Variants in CHD3 observed in about 807,000 individuals in gnomAD.
CHD3 encodes chromodomain helicase DNA binding protein 3.
In CHD3, 52 loss-of-function variants were observed where a neutral mutation model predicts 248.9. The observed-to-expected ratio is 0.21, with a 90% CI of 0.17 to 0.26. CHD3 has a LOEUF of 0.26. CHD3 is among the 10% of genes least tolerant of loss of function. The pLI, the probability that CHD3 is intolerant of heterozygous loss-of-function variation, is 1.00. For missense variants in CHD3, 1,482 were observed against 2,605.8 expected (o/e 0.57, Z 9.39); for synonymous variants, 985 against 985.2 (o/e 1.00, Z 0.00).
chr17:7,889,812 T>C lies in CHD3; in HGVS notation c.213+36T>C. 6.4e-7 allele frequency: 1 copy of C among 1,554,704 alleles called. No homozygotes were observed. Among genetic ancestry groups the C allele is most frequent in the Non-Finnish European group, 8.8e-7 (1 of 1,136,774 alleles). On this transcript the variant is annotated intron_variant, in intron 2 of 39. Transcript: ENST00000330494. This position sits in a 1 kb window ranked among gnomAD's most constrained non-coding sequence, Gnocchi z 4.5. ...AGAATTCCTAACTCTGTGGCAAGGC[T>C]CAAGAGACCCATTCTCAGAGACCTA...
intron 2 of CHD3, 104 bp from the exon 3 acceptor site, chr17:7,890,467 A>T: frequency 1.3e-6 from 1 of 798,950 alleles, no homozygotes; most frequent in Non-Finnish European, 1.9e-6. Context: ...TTACTATCAC[A>T]GGATTGTTGT....
rs113422745 is a variant in CHD3, at chr17:7,891,186, C to T, written c.509+122C>T. 2,009 of 1,136,258 alleles carry T rather than the reference C, an allele frequency of 1.8e-3. 28 individuals are homozygous for T. The African/African-American group carries it at 0.024, about 14-fold the overall frequency. 70.4% of individuals were successfully genotyped at this position (1,136,258 alleles called of 1,614,324 possible). On this transcript the variant is annotated intron_variant, in intron 4 of 39. Transcript: ENST00000330494. ...CCAGAGAATTCACGGTGTATACACA[C>T]CAAATTCTACACGTCATTTCAGGGA...
chr17:7,895,698 G>A lies in CHD3; in HGVS notation c.1707+156G>A, dbSNP rs764213049. 4.2e-5 allele frequency: 27 copies of A among 647,396 alleles called. No homozygotes were observed. Among genetic ancestry groups the A allele is most frequent in the Non-Finnish European group, 6.2e-5 (23 of 373,604 alleles). The allele number at this position is 647,396 out of a possible 1,614,324, so 40.1% of individuals were successfully genotyped here. On this transcript the variant is annotated intron_variant, in intron 10 of 39. Coordinates refer to ENST00000330494, the MANE Select transcript of CHD3 (RefSeq NM_001005273.3). The surrounding 1 kb of genome is among the most constrained non-coding windows in gnomAD (Gnocchi z 4.9). ...CCTACTTGCTTAGTTTCCATATGTG[G>A]TTCTTTTGGTCTACAGTCCTCTTTC...
chr17:7,894,789 C>T, intron 8 of CHD3, 128 bp from the exon 9 acceptor site: 2 of 1,447,272 alleles, frequency 1.4e-6, no homozygotes, highest in Non-Finnish European at 9.4e-7. Context: ...ACTGGAGTGT[C>T]CTTTTCCTTA....
In CHD3 at chr17:7,899,870, T is replaced by C; in HGVS notation, c.2545-26T>C. ...AGGTGCATGGTTGTCAGGTGGCAGC[T>C]GAATGGGCAATAATTATGTTGGCAG... On this transcript the variant is annotated intron_variant, in intron 15 of 39. Coordinates refer to ENST00000330494, the MANE Select transcript of CHD3 (RefSeq NM_001005273.3). The surrounding 1 kb of genome is among the most constrained non-coding windows in gnomAD (Gnocchi z 6.8). The C allele has an allele frequency of 6.2e-7, 1 of 1,606,626 alleles. No homozygotes were observed. Among genetic ancestry groups the C allele is most frequent in the Non-Finnish European group, 8.5e-7 (1 of 1,175,170 alleles).
rs1353377129 is a variant in CHD3, at chr17:7,897,907, C to CT, written c.1920-61dup. 5.2e-6 allele frequency: 8 copies of CT among 1,532,342 alleles called. No individual in the cohort carries two copies. The East Asian group carries it at 1.8e-4, about 35-fold the overall frequency. 94.9% of individuals were successfully genotyped at this position (1,532,342 alleles called of 1,614,324 possible). ...CTGATAATTGCGTTTCTCAGGCCTT[C>CT]TTTCTGTTTGTGATCTGTGCAATAT... On this transcript the variant is annotated intron_variant, in intron 11 of 39. Coordinates refer to ENST00000330494, the MANE Select transcript of CHD3 (RefSeq NM_001005273.3). The surrounding 1 kb of genome is among the most constrained non-coding windows in gnomAD (Gnocchi z 4.8).
In CHD3 at chr17:7,911,335, C is replaced by T. The variant is rs1438169388; in HGVS notation, c.5882-129C>T. The stretch of plus-strand genomic sequence containing the variant: ...CTCAGGGAAAGGGGTTTGCCCGGGT[C>T]TTCCCTCCCTCACGTGGGACAACGG... On this transcript the variant is annotated intron_variant, in intron 39 of 39. Coordinates refer to ENST00000330494, the MANE Select transcript of CHD3 (RefSeq NM_001005273.3). The surrounding 1 kb of genome is among the most constrained non-coding windows in gnomAD (Gnocchi z 5.4). The T allele has an allele frequency of 1.4e-6, 2 of 1,430,354 alleles. No individual in the cohort carries two copies. 88.6% of individuals were successfully genotyped at this position (1,430,354 alleles called of 1,614,324 possible).
chr17:7,911,716 C>G lies in CHD3; in HGVS notation c.*131C>G, dbSNP rs1257654077. ...CATCACTGGGCTAGGAACCCCTTTG[C>G]CCCTCTCTGCAGCTCCTCTCTTCAA... On this transcript the variant is annotated 3_prime_UTR_variant, in exon 40 of 40. Transcript: ENST00000330494. This position sits in a 1 kb window ranked among gnomAD's most constrained non-coding sequence, Gnocchi z 5.4. 6.4e-7 allele frequency: 1 copy of G among 1,554,160 alleles called. No homozygotes were observed. Among genetic ancestry groups the G allele is most frequent in the Non-Finnish European group, 8.7e-7 (1 of 1,148,174 alleles).
In CHD3 at chr17:7,911,749, C is replaced by T; in HGVS notation, c.*164C>T. On this transcript the variant is annotated 3_prime_UTR_variant, in exon 40 of 40. Coordinates refer to ENST00000330494, the MANE Select transcript of CHD3 (RefSeq NM_001005273.3). The surrounding 1 kb of genome is among the most constrained non-coding windows in gnomAD (Gnocchi z 5.4). ...TGCAGCTCCTCTCTTCAAGAAGGGC[C>T]CTTTGTCTTTCTCCACTCCCACACA... is the stretch of plus-strand genomic sequence containing the variant. The T allele has an allele frequency of 6.5e-7, 1 of 1,528,550 alleles. No individual in the cohort carries two copies. Among genetic ancestry groups the T allele is most frequent in the South Asian group, 1.2e-5 (1 of 83,388 alleles). 94.7% of individuals were successfully genotyped at this position (1,528,550 alleles called of 1,614,324 possible).
At position 7,907,544 on chromosome 17, in the gene CHD3, T is replaced by C; in HGVS notation, c.4924+56T>C. On this transcript the variant is annotated intron_variant, in intron 32 of 39. Coordinates refer to ENST00000330494, the MANE Select transcript of CHD3 (RefSeq NM_001005273.3). This position sits in a 1 kb window ranked among gnomAD's most constrained non-coding sequence, Gnocchi z 4.3. ...ATTAGAATTTGGGATTTCCCTCTTC[T>C]GGGGTCAGGGGATGAGGGTAACATC... 7 of 1,532,772 alleles carry C rather than the reference T, an allele frequency of 4.6e-6. No homozygotes were observed. The highest frequency in any genetic ancestry group is 6.1e-6 in the Non-Finnish European group (7 of 1,140,332). 94.9% of individuals were successfully genotyped at this position (1,532,772 alleles called of 1,614,324 possible).
chr17:7,888,893 C>T lies in CHD3; in HGVS notation c.-108C>T. ...GAGATCGGGAAACAAAGGGTATGGC[C>T]CCCTAGTTCCCAAAGGGAGCAGGGA... On this transcript the variant is annotated 5_prime_UTR_variant, in exon 1 of 40. Coordinates refer to ENST00000330494, the MANE Select transcript of CHD3 (RefSeq NM_001005273.3). 2 of 1,550,224 alleles carry T rather than the reference C, an allele frequency of 1.3e-6. No individual in the cohort carries two copies. Among genetic ancestry groups the T allele is most frequent in the Non-Finnish European group, 1.7e-6 (2 of 1,149,650 alleles).
Position 7,895,313 on chromosome 17 carries a change from C to T in CHD3, c.1504-26C>T, listed in dbSNP as rs1204645489. ...GGTTCTTTCTGCCTCTTTCTTTCCT[C>T]CTCCTTGTACGTGTCCATCCCAAAG... On this transcript the variant is annotated intron_variant, in intron 9 of 39. Transcript: ENST00000330494. This position sits in a 1 kb window ranked among gnomAD's most constrained non-coding sequence, Gnocchi z 4.9. 6.2e-7 allele frequency: 1 copy of T among 1,611,958 alleles called. No individual in the cohort carries two copies. The highest frequency in any genetic ancestry group is 1.1e-5 in the South Asian group (1 of 91,008).
At chr17:7,894,311 T>G in intron 7 of CHD3, 46 bp downstream of exon 7, 2 of 1,596,348 alleles carry the variant, frequency 1.3e-6, no homozygotes, top group Non-Finnish European at 8.6e-7. Flanking sequence ...GGCCGTCCTC[T>G]CATTCTTATT....
chr17:7,887,248 G>A (rs1220124510), upstream of CHD3, among the ~76,000 whole-genome samples: 2 of 152,148 alleles, frequency 1.3e-5, no homozygotes, highest in African/African-American at 4.8e-5. Context: ...CATTCCGACT[G>A]CTTTGATTCT....
Position 7,895,013 on chromosome 17 carries a change from A to G in CHD3, c.1366A>G (p.Met456Val). The change falls in exon 9 of 40, where the codon ATG becomes GTG. Residue 456 changes from methionine to valine, a missense_variant. Physicochemically the swap from Met to Val is conservative, Grantham distance 21. Coordinates refer to ENST00000330494, the MANE Select transcript of CHD3 (RefSeq NM_001005273.3). The surrounding 1 kb of genome is among the most constrained non-coding windows in gnomAD (Gnocchi z 4.9). ...GGAGAAGGAGGAGGAGGATGATCAC[A>G]TGGAGTACTGCCGCGTATGCAAGGA... ...EGEKEEEDDHMEYCRVCKDGG... is the reference protein window; with the variant it reads ...EGEKEEEDDHVEYCRVCKDGG... 6.2e-7 allele frequency: 1 copy of G among 1,614,144 alleles called. No individual in the cohort carries two copies. The highest frequency in any genetic ancestry group is 8.5e-7 in the Non-Finnish European group (1 of 1,180,008).
Position 7,909,480 on chromosome 17 carries a change from G to T in CHD3, c.5590+142G>T. On this transcript the variant is annotated intron_variant, in intron 37 of 39. Transcript: ENST00000330494. The surrounding 1 kb of genome is among the most constrained non-coding windows in gnomAD (Gnocchi z 8.1). Reference sequence around the variant, plus strand: ...TCTGACCTCTAACCCCACTCCTACCGACCTGGCACCCCCTTGGATTTTAGC... The same window carrying T: ...TCTGACCTCTAACCCCACTCCTACCTACCTGGCACCCCCTTGGATTTTAGC... The T allele has an allele frequency of 8.5e-7, 1 of 1,173,090 alleles. No individual in the cohort carries two copies. The highest frequency in any genetic ancestry group is 1.1e-6 in the Non-Finnish European group (1 of 893,086). 72.7% of individuals were successfully genotyped at this position (1,173,090 alleles called of 1,614,324 possible).
At position 7,906,843 on chromosome 17, in the gene CHD3, C is replaced by T. The variant is rs1399855892; in HGVS notation, c.4504-26C>T. On this transcript the variant is annotated intron_variant, in intron 29 of 39. Coordinates refer to ENST00000330494, the MANE Select transcript of CHD3 (RefSeq NM_001005273.3). This position sits in a 1 kb window ranked among gnomAD's most constrained non-coding sequence, Gnocchi z 5.0. ...GTCTGTAAGCGCCTGGAGCTGACAC[C>T]TAACCCTCCCACCCTGCCACCCCAG... 6.2e-7 allele frequency: 1 copy of T among 1,613,654 alleles called. No individual in the cohort carries two copies. The highest frequency in any genetic ancestry group is 8.5e-7 in the Non-Finnish European group (1 of 1,179,728).
At position 7,895,565 on chromosome 17, in the gene CHD3, T is replaced by C; in HGVS notation, c.1707+23T>C. 6.3e-7 allele frequency: 1 copy of C among 1,599,180 alleles called. No homozygotes were observed. The highest frequency in any genetic ancestry group is 8.6e-7 in the Non-Finnish European group (1 of 1,166,954). On this transcript the variant is annotated intron_variant, in intron 10 of 39. Coordinates refer to ENST00000330494, the MANE Select transcript of CHD3 (RefSeq NM_001005273.3). The surrounding 1 kb of genome is among the most constrained non-coding windows in gnomAD (Gnocchi z 4.9). ...CAGGTACTAGGACCTTTTCTTTCCCTCTCCCCCATGACCTCATTTCCTGCC... is the reference window on the plus strand; with the variant it reads ...CAGGTACTAGGACCTTTTCTTTCCCCCTCCCCCATGACCTCATTTCCTGCC...
rs1348587287 is a variant in CHD3, at chr17:7,908,891, TCTAGTTGGAAC to T, written c.5394+67_5394+77del. 1 of 1,606,528 alleles carries T rather than the reference TCTAGTTGGAAC, an allele frequency of 6.2e-7. No individual in the cohort carries two copies. Among genetic ancestry groups the T allele is most frequent in the African/African-American group, 1.3e-5 (1 of 74,618 alleles). ...GGCTTGGGTCAGAAGTGAGACCAGA[TCTAGTTGGAAC>T]CTAGGGAAGGTTAACACCTTCAGGG... On this transcript the variant is annotated intron_variant, in intron 36 of 39. Transcript: ENST00000330494. This position sits in a 1 kb window ranked among gnomAD's most constrained non-coding sequence, Gnocchi z 5.8.
Sources: allele counts gnomAD v4.1 joint callset (sites outside exome capture counted in the v4.1 genomes callset), GRCh38; gene constraint gnomAD v4.1.1; non-coding constraint Gnocchi (gnomAD v3.1); transcripts MANE v1.5; gene names NCBI Gene and HGNC (gene_info 2026-07-23, HGNC 2026-07-21).